Variants in IRS1 observed in about 807,000 individuals in gnomAD.
IRS1 encodes the protein insulin receptor substrate 1.
In IRS1, 34 loss-of-function variants were observed where a neutral mutation model predicts 65.6. The observed-to-expected ratio is 0.52, with a 90% CI of 0.39 to 0.69. IRS1 has a LOEUF of 0.69. Among genes scored for constraint, IRS1 ranks in the 30% least tolerant of loss-of-function variants. The pLI, the probability that IRS1 is intolerant of heterozygous loss-of-function variation, is 0.00. For synonymous variants in IRS1, 699 were observed against 683.5 expected (o/e 1.02, Z -0.35); for missense variants, 1,641 against 1,720.2 (o/e 0.95, Z 0.81).
rs1175123650 is a variant in IRS1 at position 226,798,748 on chromosome 2, G to GCCACCA, written c.-16_-11dup. 3.1e-6 allele frequency: 5 copies of GCCACCA among 1,608,500 alleles called. No homozygotes were observed. The highest frequency in any genetic ancestry group is 2.5e-6 in the Non-Finnish European group (3 of 1,178,194). ...CCGGAGGGCTCGCCATGCTGCCACC[G>GCCACCA]CCACCACCAACGCTGAGCAGAGGGA... is the stretch of plus-strand genomic sequence containing the variant. On this transcript the variant is annotated 5_prime_UTR_variant, in exon 1 of 2. Transcript: ENST00000305123. The surrounding 1 kb of genome is among the most constrained non-coding windows in gnomAD (Gnocchi z 9.4).
rs999141977 is a variant in IRS1, at chr2:226,733,503, A to T, written c.*2769T>A. On this transcript the variant is annotated 3_prime_UTR_variant, in exon 2 of 2. Coordinates refer to ENST00000305123, the MANE Select transcript of IRS1 (RefSeq NM_005544.3). ...GAAGATATCATCAAAGTCATAAAAC[A>T]TATTTGTTCTTTTCGCAAAAGAGGA... 1 of 152,240 alleles carries T rather than the reference A, an allele frequency of 6.6e-6. No homozygotes were observed. The highest frequency in any genetic ancestry group is 2.4e-5 in the African/African-American group (1 of 41,466). 9.4% of individuals were successfully genotyped at this position (152,240 alleles called of 1,614,324 possible).
At position 226,794,242 on chromosome 2, in the gene IRS1, T is replaced by C. The variant is rs915268339; in HGVS notation, c.*21+747A>G. Among the ~76,000 whole-genome samples, 27 of 151,756 alleles carry C rather than the reference T, an allele frequency of 1.8e-4. No individual in the cohort carries two copies. The highest frequency in any genetic ancestry group is 6.3e-4 in the African/African-American group (26 of 41,028). On this transcript the variant is annotated intron_variant, in intron 1 of 1. Transcript: ENST00000305123. This position sits in a 1 kb window ranked among gnomAD's most constrained non-coding sequence, Gnocchi z 4.1. ...ATGGGTCCCAGACACATACAGAGTT[T>C]CCTGCATATCCTGTACAAGAGAGGC... is the stretch of plus-strand genomic sequence containing the variant.
At position 226,732,514 on chromosome 2, in the gene IRS1, CTATA is replaced by C. The variant is rs1000238787; in HGVS notation, c.*3754_*3757del. On this transcript the variant is annotated 3_prime_UTR_variant, in exon 2 of 2. Transcript: ENST00000305123. ...TATACACACACACACATATGTGTAT[CTATA>C]TATGTGTGTATATATATCTATATAT... is the stretch of plus-strand genomic sequence containing the variant. 7.0e-6 allele frequency: 1 copy of C among 142,246 alleles called. No homozygotes were observed. The highest frequency in any genetic ancestry group is 1.5e-5 in the Non-Finnish European group (1 of 65,592). 8.8% of individuals were successfully genotyped at this position (142,246 alleles called of 1,614,324 possible).
chr2:226,791,829 G>A (rs1169756431), intron 1 of IRS1, among the ~76,000 whole-genome samples: 1 of 152,024 alleles, frequency 6.6e-6, no homozygotes, highest in Non-Finnish European at 1.5e-5. Flanking sequence ...CACGCGGCCC[G>A]GGAAGGGGCC....
intron 1 of IRS1, among the ~76,000 whole-genome samples, chr2:226,740,226 A>T (rs1418451164): frequency 6.6e-6 from 1 of 152,266 alleles, no homozygotes; most frequent in African/African-American, 2.4e-5. Flanking sequence ...GAGATTTAGT[A>T]GCAGGAAATT....
chr2:226,773,590 G>A (rs1020951813), intron 1 of IRS1, among the ~76,000 whole-genome samples: 2 of 151,728 alleles, frequency 1.3e-5, no homozygotes, highest in East Asian at 1.9e-4. Flanking sequence ...AAAAGATTGT[G>A]TAGAATGGGA....
intron 1 of IRS1, among the ~76,000 whole-genome samples, chr2:226,780,118 T>A (rs1267963691): frequency 6.6e-6 from 1 of 152,088 alleles, no homozygotes; most frequent in Non-Finnish European, 1.5e-5. Context: ...AGCAGCCGGG[T>A]GCGGTGGCTC....
intron 1 of IRS1, among the ~76,000 whole-genome samples, chr2:226,741,830 A>ACAC (rs1559146750): frequency 3.2e-4 from 27 of 84,302 alleles, no homozygotes; most frequent in African/African-American, 1.1e-3. Flanking sequence ...CACACACATA[A>ACAC]CACACACACA....
chr2:226,791,512 G>A (rs1031670270), intron 1 of IRS1, among the ~76,000 whole-genome samples: 3 of 152,192 alleles, frequency 2.0e-5, no homozygotes, highest in African/African-American at 7.2e-5. Flanking sequence ...CCAAATGCAA[G>A]AATACAGCTG....
chr2:226,799,123 G>A lies in IRS1; in HGVS notation c.-385C>T. ...AGGGAGGCGACAGTCGGGGGTCCCT[G>A]CGGTGCCCCTCCAGGAGCGCGCGCG... On this transcript the variant is annotated 5_prime_UTR_variant, in exon 1 of 2. The change creates a premature stop within an existing upstream ORF in the 5' untranslated region. Coordinates refer to ENST00000305123, the MANE Select transcript of IRS1 (RefSeq NM_005544.3). This position sits in a 1 kb window ranked among gnomAD's most constrained non-coding sequence, Gnocchi z 6.1. 8.6e-7 allele frequency: 1 copy of A among 1,168,734 alleles called. No individual in the cohort carries two copies. The highest frequency in any genetic ancestry group is 1.1e-6 in the Non-Finnish European group (1 of 931,008). The allele number at this position is 1,168,734 out of a possible 1,614,324, so 72.4% of individuals were successfully genotyped here.
In IRS1 at chr2:226,797,011, G is replaced by C. The variant is rs770541402; in HGVS notation, c.1728C>G (p.Phe576Leu). The C allele has an allele frequency of 2.2e-5, 36 of 1,602,246 alleles. No homozygotes were observed. The highest frequency in any genetic ancestry group is 2.7e-5 in the Non-Finnish European group (32 of 1,172,322). The change falls in exon 1 of 2, where the codon TTC becomes TTG. Residue 576 changes from phenylalanine (F) to leucine (L), a missense_variant. Coordinates refer to ENST00000305123, the MANE Select transcript of IRS1 (RefSeq NM_005544.3). This position sits in a 1 kb window ranked among gnomAD's most constrained non-coding sequence, Gnocchi z 8.1. ...GRLPGHRHSA[F>L]VPTRSYPEEG... is the part of the protein sequence containing the mutation. ...CCTCTGGGTAGGAGCGGGTGGGCAC[G>C]AAGGCGGAGTGCCTGTGTCCCGGCA... is the stretch of plus-strand genomic sequence containing the variant.
At chr2:226,762,879 T>C (rs1318803479) in intron 1 of IRS1, among the ~76,000 whole-genome samples, 2 of 152,154 alleles carry the variant, frequency 1.3e-5, no homozygotes, top group Non-Finnish European at 2.9e-5. Context: ...ATAAAACACC[T>C]TTCCAATGGA....
rs1188877757 is a variant in IRS1 at position 226,735,083 on chromosome 2, T to C, written c.*1189A>G. On this transcript the variant is annotated 3_prime_UTR_variant, in exon 2 of 2. Coordinates refer to ENST00000305123, the MANE Select transcript of IRS1 (RefSeq NM_005544.3). ...AAACACTTACTGGAATTTTAATTTC[T>C]GGTTAGCAACAGCTCACTTGCCTTA... The C allele has an allele frequency of 6.6e-6, 1 of 152,216 alleles. No individual in the cohort carries two copies. 9.4% of individuals were successfully genotyped at this position (152,216 alleles called of 1,614,324 possible). A position where few individuals can be genotyped will look rare whatever the true frequency, so the allele number is the denominator to read the frequency against.
At chr2:226,759,110 AGGGATT>A (rs1938863853) in intron 1 of IRS1, among the ~76,000 whole-genome samples, 13 of 152,342 alleles carry the variant, frequency 8.5e-5, no homozygotes, top group African/African-American at 3.1e-4. Flanking sequence ...GGCTGGTGCA[AGGGATT>A]ACACAAGCCT....
intron 1 of IRS1, among the ~76,000 whole-genome samples, chr2:226,779,201 T>C (rs1939334172): frequency 6.6e-6 from 1 of 152,226 alleles, no homozygotes; most frequent in African/African-American, 2.4e-5. Flanking sequence ...GGTTCAGCAA[T>C]TACAACAGCT....
chr2:226,799,479 CG>C lies in IRS1; in HGVS notation c.-742del. The C allele has an allele frequency of 8.6e-7, 1 of 1,167,130 alleles. No homozygotes were observed. The highest frequency in any genetic ancestry group is 1.1e-6 in the Non-Finnish European group (1 of 923,020). 72.3% of individuals were successfully genotyped at this position (1,167,130 alleles called of 1,614,324 possible). On this transcript the variant is annotated 5_prime_UTR_variant, in exon 1 of 2. It removes the in-frame stop codon of an upstream open reading frame in the 5' UTR. Coordinates refer to ENST00000305123, the MANE Select transcript of IRS1 (RefSeq NM_005544.3). This position sits in a 1 kb window ranked among gnomAD's most constrained non-coding sequence, Gnocchi z 6.1. ...GTGGCTTTTCCATGCGAAACGATAC[CG>C]GGCAGCCACTGCAGCTGGGGACCGG...
intron 1 of IRS1, among the ~76,000 whole-genome samples, chr2:226,786,785 T>TAAA (rs200340976): frequency 2.6e-5 from 3 of 116,286 alleles, no homozygotes; most frequent in East Asian, 2.3e-4. Flanking sequence ...CTTGGTAGTC[T>TAAA]AAAAAAAAAA....
intron 1 of IRS1, among the ~76,000 whole-genome samples, chr2:226,771,928 T>C (rs938534315): frequency 6.6e-6 from 1 of 152,240 alleles, no homozygotes; most frequent in East Asian, 1.9e-4. Context: ...TTACAGCTTG[T>C]AACATAATTT....
rs1938244447 is a variant in IRS1 at position 226,732,577 on chromosome 2, T to C, written c.*3695A>G. On this transcript the variant is annotated 3_prime_UTR_variant, in exon 2 of 2. Coordinates refer to ENST00000305123, the MANE Select transcript of IRS1 (RefSeq NM_005544.3). ...ATATCTATATATGTGTGTATATATC[T>C]ATATATTTGTATATATTCATCTATA... 2.0e-5 allele frequency: 3 copies of C among 149,876 alleles called. No homozygotes were observed. In the Admixed American group the frequency reaches 2.0e-4, roughly 10 times the overall value. The allele number at this position is 149,876 out of a possible 1,614,324, so 9.3% of individuals were successfully genotyped here.
Sources: gnomAD v4.1 joint callset for allele counts (sites outside exome capture counted in the v4.1 genomes callset) on GRCh38, gnomAD v4.1.1 for gene constraint, Gnocchi (gnomAD v3.1) non-coding constraint, MANE v1.5 for transcripts, NCBI Gene and HGNC (gene_info 2026-07-23, HGNC 2026-07-21) for gene names.